NYAP2: variants seen among roughly 807,000 people sequenced by gnomAD.
NYAP2 encodes neuronal tyrosine-phosphorylated phosphoinositide-3-kinase adaptor 2.
A neutral mutation model predicts 50.4 loss-of-function variants in NYAP2; 23 were observed. The observed-to-expected ratio is 0.46, with a 90% CI of 0.33 to 0.65. The LOEUF (loss-of-function observed/expected upper bound fraction) is 0.65, where lower values mean the gene tolerates loss of function less well. NYAP2 is among the 30% of genes least tolerant of loss of function. The pLI is 0.02. For synonymous variants in NYAP2, 394 were observed against 365.2 expected (o/e 1.08, Z -0.90); for missense variants, 885 against 861.0 (o/e 1.03, Z -0.35).
At chr2:225,477,195 C>T (rs1326052336) in intron 3 of NYAP2, among the ~76,000 whole-genome samples, 1 of 148,030 alleles carries the variant, frequency 6.8e-6, no homozygotes, top group Non-Finnish European at 1.5e-5. Context: ...TGTTAAAAGG[C>T]AGATTCTGAT....
At chr2:225,703,013 C>T in the NYAP2 span, 1 of 151,480 alleles carries the variant, frequency 6.6e-6, no homozygotes, top group African/African-American at 2.4e-5. Context: ...GATTGGAACT[C>T]CTTAAGTTAA....
rs143707584 is a variant in NYAP2 at position 225,650,399 on chromosome 2, T to C, written c.1829-1033T>C. Among the ~76,000 whole-genome samples the C allele has an allele frequency of 1.7e-3, 264 of 152,340 alleles. 1 individual carries two copies. Among genetic ancestry groups the C allele is most frequent in the African/African-American group, 6.0e-3 (249 of 41,582 alleles). On this transcript the variant is annotated intron_variant, in intron 6 of 6. Coordinates refer to ENST00000636099, the Ensembl canonical transcript of NYAP2. ...AGTTCTCAGTACCGTAGTTATGTCATATTATTTAAAGCCAGTTGTTCGATG... is the reference window on the plus strand; with the variant it reads ...AGTTCTCAGTACCGTAGTTATGTCACATTATTTAAAGCCAGTTGTTCGATG...
chr2:225,403,286 C>T (rs1273840897), intron 2 of NYAP2, among the ~76,000 whole-genome samples: 2 of 151,870 alleles, frequency 1.3e-5, no homozygotes, highest in Non-Finnish European at 2.9e-5. Flanking sequence ...GTTTAAAGAG[C>T]TCAGAAATAT....
intron 3 of NYAP2, among the ~76,000 whole-genome samples, chr2:225,433,179 A>G (rs1317074336): frequency 6.6e-6 from 1 of 152,162 alleles, no homozygotes; most frequent in Admixed American, 6.5e-5. Flanking sequence ...TTGTCTAATT[A>G]TGTATTCACT....
rs1307410429 is a variant in NYAP2, at chr2:225,478,383, G to A, written c.222-34988G>A. Among the ~76,000 whole-genome samples the A allele has an allele frequency of 5.9e-5, 9 of 152,240 alleles. No homozygotes were observed. The East Asian group carries it at 1.5e-3, about 26-fold the overall frequency. ...TCCTAAGTTAAAAATAAAAGAAGAT[G>A]TTAACTCTGTTTATGAATTCATTTT... On this transcript the variant is annotated intron_variant, in intron 3 of 6. Transcript: ENST00000636099.
chr2:225,450,397 T>C (rs1433157793), intron 3 of NYAP2, among the ~76,000 whole-genome samples: 1 of 152,170 alleles, frequency 6.6e-6, no homozygotes, highest in Admixed American at 6.5e-5. Context: ...GCAAACTCAA[T>C]TCAAGGTGTC....
intron 5 of NYAP2, among the ~76,000 whole-genome samples, chr2:225,611,042 A>T (rs1692874436): frequency 1.3e-5 from 2 of 152,198 alleles, no homozygotes; most frequent in African/African-American, 4.8e-5. Flanking sequence ...TCAAGGTTTC[A>T]GCAAGCTGGT....
In NYAP2 at chr2:225,496,926, T is replaced by A. The variant is rs530659857; in HGVS notation, c.222-16445T>A. ...CATTGTAATGGAGAATTTTTTTTTT[T>A]ATTTTTAGATGCATTGTGAGCATTA... is the stretch of plus-strand genomic sequence containing the variant. On this transcript the variant is annotated intron_variant, in intron 3 of 6. Coordinates refer to ENST00000636099, the Ensembl canonical transcript of NYAP2. Among the ~76,000 whole-genome samples, 84 of 152,290 alleles carry A rather than the reference T, an allele frequency of 5.5e-4. 1 individual carries two copies. The South Asian group carries it at 0.014, about 26-fold the overall frequency.
chr2:225,627,771 C>T (rs1559234394), intron 6 of NYAP2, among the ~76,000 whole-genome samples: 1 of 152,096 alleles, frequency 6.6e-6, no homozygotes, highest in South Asian at 2.1e-4. Context: ...TATTAAACAT[C>T]AACTTTTTAA....
chr2:225,428,314 A>G (rs1695315439), intron 3 of NYAP2, among the ~76,000 whole-genome samples: 1 of 152,226 alleles, frequency 6.6e-6, no homozygotes, highest in Non-Finnish European at 1.5e-5. Context: ...AAACCTGGAA[A>G]GATTACTTGA....
chr2:225,655,026 A>G (rs116142443), downstream of NYAP2, among the ~76,000 whole-genome samples: 3,299 of 152,316 alleles, frequency 0.022, 55 homozygotes, highest in Non-Finnish European at 0.035. Flanking sequence ...ACTGGTCCCC[A>G]TTCCCCATGG....
intron 4 of NYAP2, among the ~76,000 whole-genome samples, chr2:225,559,818 A>G (rs1691841696): frequency 6.6e-6 from 1 of 152,082 alleles, no homozygotes; most frequent in East Asian, 1.9e-4. Context: ...CTACAGATAT[A>G]CAATATATCT....
At chr2:225,481,203 A>G (rs1235762487) in intron 3 of NYAP2, among the ~76,000 whole-genome samples, 1 of 152,120 alleles carries the variant, frequency 6.6e-6, no homozygotes, top group Non-Finnish European at 1.5e-5. Flanking sequence ...ATAATTCATC[A>G]TCTCTCAAGA....
chr2:225,401,050 A>G lies in NYAP2; in HGVS notation c.-18+7A>G, dbSNP rs925236339. The G allele has an allele frequency of 1.3e-5, 2 of 152,594 alleles. No homozygotes were observed. Among genetic ancestry groups the G allele is most frequent in the Non-Finnish European group, 2.9e-5 (2 of 68,006 alleles). 9.5% of individuals were successfully genotyped at this position (152,594 alleles called of 1,614,324 possible). A position where few individuals can be genotyped will look rare whatever the true frequency, so the allele number is the denominator to read the frequency against. The stretch of plus-strand genomic sequence containing the variant: ...CCTGGGGACTTAAATTTTGGTATGT[A>G]TCTCATTTTTCAGATTCTCTAAGCA... On this transcript the variant is annotated splice_region_variant and intron_variant, in intron 2 of 6. Coordinates refer to ENST00000636099, the Ensembl canonical transcript of NYAP2.
intron 2 of NYAP2, among the ~76,000 whole-genome samples, 196 bp from the exon 3 acceptor site, chr2:225,408,668 G>A (rs994520745): frequency 6.6e-6 from 1 of 152,050 alleles, no homozygotes; most frequent in African/African-American, 2.4e-5. Flanking sequence ...TTGCTGCTTT[G>A]AGAGAAGGTT....
chr2:225,626,923 C>T, exon 6 of NYAP2: 1 of 1,570,436 alleles, frequency 6.4e-7, no homozygotes, highest in Non-Finnish European at 8.6e-7. Context: ...ACAGAATCAA[C>T]AGAGGAACTG....
chr2:225,593,376 G>T (rs1692543165), intron 5 of NYAP2, among the ~76,000 whole-genome samples: 2 of 152,114 alleles, frequency 1.3e-5, no homozygotes, highest in Admixed American at 1.3e-4. Flanking sequence ...CAGATTACTG[G>T]CTGATCTGTA....
chr2:225,573,344 A>G (rs1002489574), intron 4 of NYAP2, among the ~76,000 whole-genome samples: 2 of 148,210 alleles, frequency 1.3e-5, no homozygotes, highest in Middle Eastern at 3.5e-3. Flanking sequence ...TTCTGCCTCC[A>G]TGGTTCAAAC....
At chr2:225,663,758 A>T in the NYAP2 span, among the ~76,000 whole-genome samples, 1 of 152,040 alleles carries the variant, frequency 6.6e-6, no homozygotes, top group Non-Finnish European at 1.5e-5. Flanking sequence ...GGGTTTCACC[A>T]TGTTGGCCAG....
Sources: gnomAD v4.1 joint callset for allele counts (sites outside exome capture counted in the v4.1 genomes callset) on GRCh38, gnomAD v4.1.1 for gene constraint, MANE v1.5 for transcripts, NCBI Gene and HGNC (gene_info 2026-07-23, HGNC 2026-07-21) for gene names.